The following GIPC2 variants were observed in gnomAD, a reference collection of about 807,000 sequenced individuals.
The protein encoded by GIPC2 is PDZ domain-containing protein GIPC2.
GIPC2 carries 30 observed loss-of-function variants against 30.6 expected under a neutral mutation model. The ratio of observed to expected loss-of-function variants is 0.98; its 90% CI spans 0.73 to 1.33. The LOEUF is 1.33. GIPC2 is among the 40% of genes most tolerant of loss of function. The probability of loss-of-function intolerance (pLI) is 0.00; values close to 1 mark genes in which losing one functional copy is unlikely to be tolerated. For missense variants in GIPC2, 414 were observed against 390.3 expected, an observed-to-expected ratio of 1.06 and a Z score of -0.51; for synonymous variants, 167 against 150.0, an observed-to-expected ratio of 1.11 and a Z score of -0.83.
At chr1:78,106,742 G>A (rs1343230183) in intron 3 of GIPC2, among the ~76,000 whole-genome samples, 2 of 152,232 alleles carry the variant, frequency 1.3e-5, no homozygotes, top group East Asian at 3.9e-4. Context: ...GTGTGATGGT[G>A]CTATCTCGGC....
At chr1:78,055,356 T>C (rs1661269264) in intron 1 of GIPC2, among the ~76,000 whole-genome samples, 1 of 152,172 alleles carries the variant, frequency 6.6e-6, no homozygotes, top group African/African-American at 2.4e-5. Context: ...TCAGTCCATA[T>C]AAATATTTAT....
rs769297244 is a variant in GIPC2, at chr1:78,135,606, G to A, written c.811G>A (p.Glu271Lys). The change falls in exon 6 of 6, where the codon GAA becomes AAA. Residue 271 changes from glutamate (E) to lysine (K), a missense_variant. Glu to Lys is a moderately conservative substitution (Grantham distance 56). Transcript: ENST00000370759. ...ATTTTTGATAGCCACCACAATGTTT[G>A]AAGCTGGAAAGGACAAAGTAAATCC... ...RDIDLATTMF[E>K]AGKDKVNPDE... The A allele has an allele frequency of 6.3e-7, 1 of 1,578,926 alleles. No homozygotes were observed. The highest frequency in any genetic ancestry group is 8.6e-7 in the Non-Finnish European group (1 of 1,157,492).
intron 2 of GIPC2, chr1:78,091,730 A>G: frequency 1.3e-6 from 1 of 775,254 alleles, no homozygotes; most frequent in Non-Finnish European, 2.4e-6. Context: ...CTTTGCATAC[A>G]AGAATGTTAA....
intron 3 of GIPC2, among the ~76,000 whole-genome samples, chr1:78,112,778 T>G (rs977319707): frequency 6.6e-6 from 1 of 152,226 alleles, no homozygotes; most frequent in South Asian, 2.1e-4. Flanking sequence ...TCTCTCTACC[T>G]GAGCTTCATC....
chr1:78,106,289 G>A (rs946248174), intron 3 of GIPC2, among the ~76,000 whole-genome samples: 2 of 150,964 alleles, frequency 1.3e-5, no homozygotes, highest in Non-Finnish European at 3.0e-5. Flanking sequence ...GCAGGGTGTG[G>A]TGGCTCACGC....
chr1:78,064,347 C>T (rs1013687813), intron 1 of GIPC2, among the ~76,000 whole-genome samples: 12 of 152,192 alleles, frequency 7.9e-5, no homozygotes, highest in African/African-American at 2.2e-4. Context: ...GCTTCTCAAG[C>T]ATTGCAATTC....
chr1:78,127,881 T>G (rs1314977124), intron 5 of GIPC2, among the ~76,000 whole-genome samples: 1 of 152,014 alleles, frequency 6.6e-6, no homozygotes, highest in Non-Finnish European at 1.5e-5. Flanking sequence ...TTTAACAAAT[T>G]TTTTTTGGTA....
chr1:78,117,624 T>C (rs1662592829), intron 3 of GIPC2, among the ~76,000 whole-genome samples: 1 of 152,134 alleles, frequency 6.6e-6, no homozygotes, highest in African/African-American at 2.4e-5. Flanking sequence ...TGGCCCAGTT[T>C]CTAACAGGCC....
rs1661078902 is a variant in GIPC2, at chr1:78,046,239, G to A, written c.145G>A (p.Ala49Thr). ...CAGGCTGGTCTTCCACGCGCAGCTG[G>A]CGCACGGTAGTGCCACGGGCCGAGT... ...ARRLVFHAQLAHGSATGRVEG... is the reference protein window; with the variant it reads ...ARRLVFHAQLTHGSATGRVEG... The change falls in exon 1 of 6, where the codon GCG becomes ACG. Residue 49 changes from alanine (A) to threonine (T), a missense_variant. Ala to Thr is a moderately conservative substitution (Grantham distance 58). Coordinates refer to ENST00000370759, the MANE Select transcript of GIPC2 (RefSeq NM_017655.6). 6.2e-7 allele frequency: 1 copy of A among 1,608,316 alleles called. No homozygotes were observed. Among genetic ancestry groups the A allele is most frequent in the African/African-American group, 1.3e-5 (1 of 74,634 alleles).
intron 3 of GIPC2, among the ~76,000 whole-genome samples, chr1:78,116,722 A>G (rs914383684): frequency 6.6e-6 from 1 of 152,180 alleles, no homozygotes; most frequent in African/African-American, 2.4e-5. Context: ...TCCATGGTGT[A>G]TATGTGCCAC....
chr1:78,070,070 C>A (rs1413653521), intron 1 of GIPC2, among the ~76,000 whole-genome samples: 1 of 152,138 alleles, frequency 6.6e-6, no homozygotes, highest in Non-Finnish European at 1.5e-5. Context: ...TAGAATTCAG[C>A]CTCGTGGGCC....
chr1:78,129,543 T>C lies in GIPC2; in HGVS notation c.796+3581T>C, dbSNP rs1461593349. On this transcript the variant is annotated intron_variant, in intron 5 of 5. Transcript: ENST00000370759. ...AAAAAAGATTAAGAGGTGTTTATTA[T>C]TTGAAAATGGAAAATAATTTAAATG... Among the ~76,000 whole-genome samples the C allele has an allele frequency of 3.3e-5, 5 of 152,224 alleles. No homozygotes were observed. In the East Asian group the frequency reaches 5.8e-4, roughly 18 times the overall value.
chr1:78,077,937 C>T (rs1350726082), intron 1 of GIPC2, among the ~76,000 whole-genome samples: 1 of 151,894 alleles, frequency 6.6e-6, no homozygotes, highest in African/African-American at 2.4e-5. Flanking sequence ...GCCTGTAATC[C>T]CAGCACTTTG....
At chr1:78,089,947 C>T (rs76698865) in intron 2 of GIPC2, among the ~76,000 whole-genome samples, 3,203 of 152,190 alleles carry the variant, frequency 0.021, 119 homozygotes, top group African/African-American at 0.073. Context: ...TGCATGTTTC[C>T]CAGTGAGAAC....
At chr1:78,047,535 T>C (rs931668731) in intron 1 of GIPC2, among the ~76,000 whole-genome samples, 1 of 152,032 alleles carries the variant, frequency 6.6e-6, no homozygotes, top group African/African-American at 2.4e-5. Flanking sequence ...TTTTTTTTTT[T>C]CAAAAAACAC....
chr1:78,091,483 A>G, intron 2 of GIPC2: 1 of 665,106 alleles, frequency 1.5e-6, no homozygotes. Context: ...CCCTGTTTTC[A>G]CCTCCCGCTG....
chr1:78,136,462 T>C lies in GIPC2; in HGVS notation c.*719T>C, dbSNP rs913373009. On this transcript the variant is annotated 3_prime_UTR_variant, in exon 6 of 6. Transcript: ENST00000370759. ...GTAGGGTAGAACTACTTGCATTTGA[T>C]TTTTTTTTCAGTCCTTAAAACATTA... The C allele has an allele frequency of 2.0e-5, 3 of 151,242 alleles. No individual in the cohort carries two copies. Among genetic ancestry groups the C allele is most frequent in the African/African-American group, 4.9e-5 (2 of 41,172 alleles). The allele number at this position is 151,242 out of a possible 1,614,324, so 9.4% of individuals were successfully genotyped here.
At chr1:78,078,851 A>G (rs74093210) in intron 1 of GIPC2, among the ~76,000 whole-genome samples, 1 of 151,254 alleles carries the variant, frequency 6.6e-6, no homozygotes, top group Non-Finnish European at 1.5e-5. Flanking sequence ...AAAAAAAAAA[A>G]AAAAACAACA....
chr1:78,047,740 G>A (rs566381818), intron 1 of GIPC2, among the ~76,000 whole-genome samples: 1 of 152,202 alleles, frequency 6.6e-6, no homozygotes, highest in East Asian at 1.9e-4. Flanking sequence ...AGTGGAGTCC[G>A]TATGTAAACG....
Sources: gnomAD v4.1 joint callset for allele counts (sites outside exome capture counted in the v4.1 genomes callset) on GRCh38, gnomAD v4.1.1 for gene constraint, MANE v1.5 for transcripts, NCBI Gene and HGNC (gene_info 2026-07-23, HGNC 2026-07-21) for gene names.